PRKCE: variants seen among roughly 807,000 people sequenced by gnomAD.
The protein encoded by PRKCE is protein kinase C epsilon.
PRKCE carries 16 observed loss-of-function variants against 85.4 expected under a neutral mutation model. That is an observed-to-expected ratio of 0.19 (90% CI 0.13 to 0.28). The LOEUF is 0.28. Ranked by LOEUF, PRKCE falls within the 10% of genes least tolerant of loss-of-function variation. The probability of loss-of-function intolerance (pLI) is 1.00; values close to 1 mark genes in which losing one functional copy is unlikely to be tolerated. For missense variants in PRKCE, 573 were observed against 975.2 expected, an observed-to-expected ratio of 0.59 and a Z score of 5.49; for synonymous variants, 388 against 371.5, an observed-to-expected ratio of 1.04 and a Z score of -0.51.
At chr2:46,171,022 A>G (rs576004286) in intron 14 of PRKCE, among the ~76,000 whole-genome samples, 3 of 152,328 alleles carry the variant, frequency 2.0e-5, no homozygotes, top group Non-Finnish European at 4.4e-5. Context: ...TAAATGAAAA[A>G]GGTCCCCCAG....
intron 2 of PRKCE, among the ~76,000 whole-genome samples, chr2:45,858,345 G>A (rs1035447896): frequency 2.0e-5 from 3 of 151,666 alleles, no homozygotes; most frequent in Admixed American, 6.6e-5. Context: ...TGAGGCCTTC[G>A]TCAGCCTTCT....
At chr2:45,784,675 A>G (rs1373424572) in intron 1 of PRKCE, among the ~76,000 whole-genome samples, 2 of 152,148 alleles carry the variant, frequency 1.3e-5, no homozygotes, top group Non-Finnish European at 2.9e-5. Flanking sequence ...AAAATTTCAA[A>G]CACTTACAAA....
intron 1 of PRKCE, among the ~76,000 whole-genome samples, chr2:45,833,644 G>A (rs147159437): frequency 1.3e-5 from 2 of 152,328 alleles, no homozygotes; most frequent in East Asian, 3.9e-4. Context: ...AACCCGGGTA[G>A]GCTAGCTTCA....
chr2:45,828,453 C>G (rs1441722084), intron 1 of PRKCE, among the ~76,000 whole-genome samples: 1 of 152,182 alleles, frequency 6.6e-6, no homozygotes. Flanking sequence ...TTAATATGTT[C>G]AAACTGTATC....
chr2:45,857,491 A>G (rs1355742839), intron 2 of PRKCE, among the ~76,000 whole-genome samples: 1 of 152,350 alleles, frequency 6.6e-6, no homozygotes, highest in Non-Finnish European at 1.5e-5. Flanking sequence ...ATTAGCCTCT[A>G]TACTCTGAAG....
intron 2 of PRKCE, among the ~76,000 whole-genome samples, chr2:45,855,569 TG>T (rs771908623): frequency 1.3e-5 from 2 of 152,170 alleles, no homozygotes; most frequent in Non-Finnish European, 2.9e-5. Flanking sequence ...AGTGCATCGG[TG>T]TGTGTCTGGG....
At chr2:45,670,883 T>A (rs999944918) in intron 1 of PRKCE, among the ~76,000 whole-genome samples, 1 of 152,232 alleles carries the variant, frequency 6.6e-6, no homozygotes, top group African/African-American at 2.4e-5. Context: ...AGTGCCCTGA[T>A]GAACAGAAAT....
intron 2 of PRKCE, among the ~76,000 whole-genome samples, chr2:45,968,873 C>T (rs945141533): frequency 3.3e-5 from 5 of 151,926 alleles, no homozygotes; most frequent in African/African-American, 1.2e-4. Context: ...GGCCATCTCT[C>T]CCTGAGTCCC....
chr2:46,104,133 T>C (rs1279302130), intron 11 of PRKCE, among the ~76,000 whole-genome samples: 1 of 152,162 alleles, frequency 6.6e-6, no homozygotes, highest in Non-Finnish European at 1.5e-5. Context: ...CTAATGTCAG[T>C]TTTTATTCTG....
intron 1 of PRKCE, among the ~76,000 whole-genome samples, chr2:45,739,078 C>G (rs989344393): frequency 6.6e-6 from 1 of 152,218 alleles, no homozygotes; most frequent in Non-Finnish European, 1.5e-5. Flanking sequence ...TGGCTGTATT[C>G]TCAGACAAGA....
chr2:46,002,277 G>A (rs966653366), intron 7 of PRKCE, among the ~76,000 whole-genome samples: 2 of 152,196 alleles, frequency 1.3e-5, no homozygotes, highest in African/African-American at 4.8e-5. Context: ...GAGAAAATTA[G>A]AACCATGTTA....
intron 1 of PRKCE, among the ~76,000 whole-genome samples, chr2:45,705,417 G>A (rs1679028847): frequency 6.6e-6 from 1 of 152,344 alleles, no homozygotes; most frequent in South Asian, 2.1e-4. Context: ...AGAAAACATA[G>A]GAGTGACTGC....
At chr2:45,983,931 G>C (rs1703100375) in intron 5 of PRKCE, among the ~76,000 whole-genome samples, 1 of 130,966 alleles carries the variant, frequency 7.6e-6, no homozygotes, top group African/African-American at 2.9e-5. Context: ...CAGTATTGAA[G>C]GTACAATTTT....
intron 1 of PRKCE, among the ~76,000 whole-genome samples, chr2:45,665,652 A>C (rs898371056): frequency 6.6e-6 from 1 of 152,208 alleles, no homozygotes; most frequent in Non-Finnish European, 1.5e-5. Flanking sequence ...TGCCAGAGGA[A>C]ATACAGGATG....
intron 2 of PRKCE, among the ~76,000 whole-genome samples, chr2:45,901,359 T>G (rs1419718555): frequency 2.0e-5 from 3 of 152,228 alleles, no homozygotes; most frequent in African/African-American, 7.2e-5. Context: ...GGTCATGTTT[T>G]CATCTAGGTA....
intron 1 of PRKCE, among the ~76,000 whole-genome samples, chr2:45,681,775 G>A (rs1307555606): frequency 6.6e-6 from 1 of 152,192 alleles, no homozygotes; most frequent in East Asian, 1.9e-4. Context: ...GACTGTGAGA[G>A]GCATGCATGC....
chr2:46,008,640 C>G (rs1448393880), intron 9 of PRKCE, among the ~76,000 whole-genome samples: 1 of 152,190 alleles, frequency 6.6e-6, no homozygotes, highest in East Asian at 1.9e-4. Context: ...AGCCGTCTCA[C>G]CTGCCCCTAT....
chr2:46,141,135 C>G (rs758224830), intron 11 of PRKCE, among the ~76,000 whole-genome samples: 8 of 150,362 alleles, frequency 5.3e-5, no homozygotes, highest in Non-Finnish European at 8.8e-5. Flanking sequence ...AATTTCTTTT[C>G]TAGGAAATGT....
chr2:45,924,799 A>C (rs1038757858), intron 2 of PRKCE, among the ~76,000 whole-genome samples: 2 of 152,240 alleles, frequency 1.3e-5, no homozygotes, highest in Non-Finnish European at 2.9e-5. Context: ...AAATTAATTC[A>C]TGGGAGAAGT....
Sources: allele counts gnomAD v4.1 joint callset (sites outside exome capture counted in the v4.1 genomes callset), GRCh38; gene constraint gnomAD v4.1.1; transcripts MANE v1.5; gene names NCBI Gene and HGNC (gene_info 2026-07-23, HGNC 2026-07-21).